The following UBQLN1 variants were observed in gnomAD, a reference collection of about 807,000 sequenced individuals.
UBQLN1 encodes ubiquilin-1.
In UBQLN1, 13 loss-of-function variants were observed where a neutral mutation model predicts 65.4. The observed-to-expected ratio is 0.20, with a 90% CI of 0.13 to 0.32. The LOEUF is 0.32. Among genes scored for constraint, UBQLN1 ranks in the 10% least tolerant of loss-of-function variants. UBQLN1 has a pLI of 1.00. For synonymous variants in UBQLN1, 267 were observed against 247.8 expected (o/e 1.08, Z -0.73); for missense variants, 561 against 724.0 (o/e 0.77, Z 2.58).
rs772277169 is a variant in UBQLN1 at position 83,666,444 on chromosome 9, A to C, written c.1249-11T>G. ...ATTATTCAGCATCATCTATGGGGCA[A>C]GTGTTCAAACAATTTTAACTGGAAA... On this transcript the variant is annotated splice_polypyrimidine_tract_variant and intron_variant, in intron 7 of 10. Transcript: ENST00000376395. 1 of 1,613,116 alleles carries C rather than the reference A, an allele frequency of 6.2e-7. No individual in the cohort carries two copies. Among genetic ancestry groups the C allele is most frequent in the Middle Eastern group, 1.7e-4 (1 of 6,056 alleles).
intron 4 of UBQLN1, 116 bp from the exon 5 acceptor site, chr9:83,678,715 TTTG>T: frequency 8.5e-7 from 1 of 1,174,824 alleles, no homozygotes; most frequent in Non-Finnish European, 1.2e-6. Context: ...ACTGTTTTGT[TTTG>T]TTTTTTTAAT....
Position 83,700,164 on chromosome 9 carries a change from G to A in UBQLN1, c.180+7336C>T, listed in dbSNP as rs1307168333. ...TGGATAGCTATTCATATCACTTTCT[G>A]TGCTCTGTGGTTCAGATGAGAATCT... On this transcript the variant is annotated intron_variant, in intron 1 of 10. Transcript: ENST00000376395. Among the ~76,000 whole-genome samples the A allele has an allele frequency of 2.6e-5, 4 of 152,162 alleles. No homozygotes were observed. In the East Asian group the frequency reaches 7.7e-4, roughly 29 times the overall value.
At chr9:83,662,273 TACAC>T (rs370539805) in intron 10 of UBQLN1, among the ~76,000 whole-genome samples, 23,306 of 143,300 alleles carry the variant, frequency 0.16, 2,062 homozygotes, top group Non-Finnish European at 0.2. Context: ...CATATACATA[TACAC>T]ACACACACAC....
chr9:83,701,442 C>T (rs540559808), intron 1 of UBQLN1, among the ~76,000 whole-genome samples: 3 of 152,246 alleles, frequency 2.0e-5, no homozygotes, highest in South Asian at 2.1e-4. Flanking sequence ...CTCAGAATTA[C>T]TATGAAAATA....
chr9:83,674,030 C>A (rs1341417362), intron 6 of UBQLN1, among the ~76,000 whole-genome samples: 1 of 152,084 alleles, frequency 6.6e-6, no homozygotes, highest in Non-Finnish European at 1.5e-5. Flanking sequence ...AACTCCTGGG[C>A]TCAAGCAATC....
chr9:83,689,234 C>T (rs1012130421), intron 1 of UBQLN1, among the ~76,000 whole-genome samples: 9 of 152,200 alleles, frequency 5.9e-5, no homozygotes, highest in Admixed American at 5.9e-4. Flanking sequence ...CATGTCACAG[C>T]ATGTGTCAAT....
chr9:83,705,100 G>A (rs914338293), intron 1 of UBQLN1, among the ~76,000 whole-genome samples: 9 of 152,202 alleles, frequency 5.9e-5, no homozygotes, highest in African/African-American at 1.4e-4. Flanking sequence ...CTACACACCC[G>A]CTAAAATAGC....
intron 3 of UBQLN1, among the ~76,000 whole-genome samples, chr9:83,680,666 C>T (rs139889249): frequency 6.6e-6 from 1 of 152,288 alleles, no homozygotes; most frequent in East Asian, 1.9e-4. Context: ...TACCTTGTGC[C>T]CTAATAATTA....
intron 2 of UBQLN1, among the ~76,000 whole-genome samples, chr9:83,685,786 C>G (rs1310201789): frequency 6.6e-6 from 1 of 152,020 alleles, no homozygotes; most frequent in African/African-American, 2.4e-5. Context: ...AACTAAATAC[C>G]AATGAACCTT....
chr9:83,695,212 T>G (rs1463627823), intron 1 of UBQLN1, among the ~76,000 whole-genome samples: 4 of 151,342 alleles, frequency 2.6e-5, no homozygotes, highest in Admixed American at 6.6e-5. Context: ...TTTTTTTTTT[T>G]TTTTGAGACT....
intron 6 of UBQLN1, among the ~76,000 whole-genome samples, chr9:83,671,541 A>C (rs2131149444): frequency 6.6e-6 from 1 of 152,362 alleles, no homozygotes; most frequent in East Asian, 1.9e-4. Flanking sequence ...CTCTTGGGTG[A>C]CTACATGCAC....
In UBQLN1 at chr9:83,661,123, CCTGA is replaced by C. The variant is rs1247422311; in HGVS notation, c.*660_*663del. 1.3e-5 allele frequency: 2 copies of C among 152,182 alleles called. No homozygotes were observed. The highest frequency in any genetic ancestry group is 4.8e-5 in the African/African-American group (2 of 41,448). The allele number at this position is 152,182 out of a possible 1,614,324, so 9.4% of individuals were successfully genotyped here. ...GCTTTTCTACTGTATTTTCAACAAACCTGACTAACCGGCACTTTTGCTGGGAGAT... is the reference window on the plus strand; with the variant it reads ...GCTTTTCTACTGTATTTTCAACAAACCTAACCGGCACTTTTGCTGGGAGAT... On this transcript the variant is annotated 3_prime_UTR_variant, in exon 11 of 11. Coordinates refer to ENST00000376395, the MANE Select transcript of UBQLN1 (RefSeq NM_013438.5).
In UBQLN1 at chr9:83,664,014, C is replaced by T. The variant is rs753504412; in HGVS notation, c.1478G>A (p.Ser493Asn). ...ATTAGTTCCCGAAGAGCCTCCAGTG[C>T]TTCCTAATGCCCCCAAGCCAGGAGT... Reference protein sequence around the residue: ...GFTPGLGALGSTGGSSGTNGS... With the variant: ...GFTPGLGALGNTGGSSGTNGS... Residue 493 changes from serine (S) to asparagine (N), a missense_variant, in exon 10 of 11, where the codon AGC (serine) becomes AAC (asparagine). Transcript: ENST00000376395. 6 of 1,614,040 alleles carry T rather than the reference C, an allele frequency of 3.7e-6. 1 individual carries two copies. The highest frequency in any genetic ancestry group is 3.3e-5 in the South Asian group (3 of 91,066).
intron 1 of UBQLN1, among the ~76,000 whole-genome samples, chr9:83,691,092 C>T (rs917517877): frequency 2.6e-5 from 4 of 151,912 alleles, no homozygotes; most frequent in Non-Finnish European, 4.4e-5. Context: ...GAGCCAAAAT[C>T]GCGCCACTGC....
intron 5 of UBQLN1, 104 bp downstream of exon 5, chr9:83,678,337 A>G: frequency 7.0e-7 from 1 of 1,419,070 alleles, no homozygotes; most frequent in Non-Finnish European, 9.4e-7. Flanking sequence ...CTTTTTAAAA[A>G]TTGAAAACCA....
At chr9:83,700,803 CA>C (rs1336476505) in intron 1 of UBQLN1, among the ~76,000 whole-genome samples, 2 of 152,066 alleles carry the variant, frequency 1.3e-5, no homozygotes, top group East Asian at 3.8e-4. Flanking sequence ...AAGGCATCTG[CA>C]AAAAATGGAG....
chr9:83,671,416 A>G (rs950795967), intron 6 of UBQLN1, among the ~76,000 whole-genome samples: 1 of 152,230 alleles, frequency 6.6e-6, no homozygotes, highest in East Asian at 1.9e-4. Flanking sequence ...TATTTCTTAA[A>G]TAAGACTTGT....
At chr9:83,686,810 T>C (rs1221938780) in intron 1 of UBQLN1, among the ~76,000 whole-genome samples, 1 of 152,016 alleles carries the variant, frequency 6.6e-6, no homozygotes, top group South Asian at 2.1e-4. Flanking sequence ...TGAGTATCCA[T>C]GACACTCAAA....
intron 9 of UBQLN1, among the ~76,000 whole-genome samples, chr9:83,664,778 G>A (rs1175705273): frequency 6.6e-6 from 1 of 151,460 alleles, no homozygotes; most frequent in African/African-American, 2.4e-5. Flanking sequence ...AATTAGCTAG[G>A]TGTGGTGGTG....
Sources: allele counts gnomAD v4.1 joint callset (sites outside exome capture counted in the v4.1 genomes callset), GRCh38; gene constraint gnomAD v4.1.1; transcripts MANE v1.5; gene names NCBI Gene and HGNC (gene_info 2026-07-23, HGNC 2026-07-21).